Variants in SNRNP48 observed in about 807,000 individuals in gnomAD.
The protein encoded by SNRNP48 is U11/U12 small nuclear ribonucleoprotein 48 kDa protein.
A neutral mutation model predicts 47.0 loss-of-function variants in SNRNP48; 43 were observed. That is an observed-to-expected ratio of 0.92 (90% CI 0.72 to 1.18). SNRNP48 has a LOEUF of 1.18. Ranked by LOEUF, SNRNP48 falls within the 50% of genes most tolerant of loss-of-function variation. The pLI is 0.00. For missense variants in SNRNP48, 396 were observed against 422.2 expected, an observed-to-expected ratio of 0.94 and a Z score of 0.54; for synonymous variants, 138 against 144.0, an observed-to-expected ratio of 0.96 and a Z score of 0.30.
intron 7 of SNRNP48, 141 bp from the exon 8 acceptor site, chr6:7,605,889 TG>T: frequency 1.1e-6 from 1 of 922,802 alleles, no homozygotes. Flanking sequence ...TCCTTTTATA[TG>T]GGTTATAAGA....
chr6:7,598,004 A>G (rs1172451340), intron 4 of SNRNP48, among the ~76,000 whole-genome samples: 2 of 151,510 alleles, frequency 1.3e-5, no homozygotes, highest in Admixed American at 6.6e-5. Flanking sequence ...AGCTGGGACT[A>G]CAGGCACCTG....
At chr6:7,605,784 T>C (rs983148739) in intron 7 of SNRNP48, among the ~76,000 whole-genome samples, 1 of 152,198 alleles carries the variant, frequency 6.6e-6, no homozygotes, top group South Asian at 2.1e-4. Context: ...GAGTTATTTA[T>C]GTCCTACTGC....
At chr6:7,602,444 G>A (rs953798747) in intron 5 of SNRNP48, among the ~76,000 whole-genome samples, 179 bp from the exon 6 acceptor site, 13 of 152,104 alleles carry the variant, frequency 8.5e-5, no homozygotes, top group Admixed American at 8.5e-4. Flanking sequence ...ACTAATGGCT[G>A]GAGAGAAGAA....
In SNRNP48 at chr6:7,609,143, T is replaced by C. The variant is rs564355997; in HGVS notation, c.*270T>C. On this transcript the variant is annotated 3_prime_UTR_variant, in exon 9 of 9. Coordinates refer to ENST00000342415, the MANE Select transcript of SNRNP48 (RefSeq NM_152551.4). ...TGTTGTTTTGTTCGTTTTGCTAATATATGTATCTCAAAATTCTTTAAGTCA... is the reference window on the plus strand; with the variant it reads ...TGTTGTTTTGTTCGTTTTGCTAATACATGTATCTCAAAATTCTTTAAGTCA... 48 of 218,782 alleles carry C rather than the reference T, an allele frequency of 2.2e-4. 1 individual carries two copies. In the South Asian group the frequency reaches 8.6e-3, roughly 39 times the overall value. 13.6% of individuals were successfully genotyped at this position (218,782 alleles called of 1,614,324 possible).
At position 7,606,208 on chromosome 6, in the gene SNRNP48, C is replaced by T. The variant is rs770663663; in HGVS notation, c.971+13C>T. The T allele has an allele frequency of 6.9e-6, 11 of 1,590,784 alleles. No homozygotes were observed. Among genetic ancestry groups the T allele is most frequent in the African/African-American group, 2.7e-5 (2 of 73,036 alleles). ...GAAGGAAAGAGAGGTGGGTCTAACCCTGCATCATCCAACGTTGAATTCTGT... is the reference window on the plus strand; with the variant it reads ...GAAGGAAAGAGAGGTGGGTCTAACCTTGCATCATCCAACGTTGAATTCTGT... On this transcript the variant is annotated intron_variant, in intron 8 of 8. Coordinates refer to ENST00000342415, the MANE Select transcript of SNRNP48 (RefSeq NM_152551.4).
intron 6 of SNRNP48, 41 bp downstream of exon 6, chr6:7,602,785 G>C: frequency 6.7e-7 from 1 of 1,499,930 alleles, no homozygotes; most frequent in Non-Finnish European, 8.9e-7. Flanking sequence ...ATTTCCCTTA[G>C]GTAATTTTCT....
chr6:7,606,006 AT>A (rs1189375428), intron 7 of SNRNP48, 24 bp from the exon 8 acceptor site: 3 of 1,582,664 alleles, frequency 1.9e-6, no homozygotes, highest in Non-Finnish European at 2.6e-6. Context: ...ACACAAACTG[AT>A]TAACATTCTT....
intron 1 of SNRNP48, 85 bp from the exon 2 acceptor site, chr6:7,593,649 C>T (rs1210419421): frequency 2.4e-6 from 2 of 842,560 alleles, no homozygotes; most frequent in East Asian, 2.8e-5. Flanking sequence ...AGTACTGGTA[C>T]ATAATTAAAT....
At chr6:7,608,399 A>AG (rs1488050500) in intron 8 of SNRNP48, among the ~76,000 whole-genome samples, 3 of 152,138 alleles carry the variant, frequency 2.0e-5, no homozygotes, top group African/African-American at 7.2e-5. Context: ...TCTACTAAAA[A>AG]TACAAAAAAT....
At chr6:7,590,869 T>A (rs929227899) in intron 1 of SNRNP48, among the ~76,000 whole-genome samples, 1 of 152,068 alleles carries the variant, frequency 6.6e-6, no homozygotes, top group East Asian at 1.9e-4. Flanking sequence ...CCCCAGCTAT[T>A]TGGGAGGCTG....
chr6:7,608,160 A>G (rs1241248978), intron 8 of SNRNP48, among the ~76,000 whole-genome samples: 7 of 152,216 alleles, frequency 4.6e-5, no homozygotes, highest in South Asian at 2.1e-4. Flanking sequence ...GGACTGAATT[A>G]TAGGGACTTT....
intron 8 of SNRNP48, 23 bp from the exon 9 acceptor site, chr6:7,608,802 T>A (rs1287077375): frequency 6.9e-7 from 1 of 1,444,934 alleles, no homozygotes; most frequent in Admixed American, 2.3e-5. Context: ...TATAACCATT[T>A]TTTTATACCT....
intron 4 of SNRNP48, among the ~76,000 whole-genome samples, chr6:7,597,935 T>G (rs951193644): frequency 4.7e-5 from 7 of 150,088 alleles, no homozygotes; most frequent in Admixed American, 1.3e-4. Flanking sequence ...GCACAATCTC[T>G]ACTCACTGCA....
intron 4 of SNRNP48, among the ~76,000 whole-genome samples, chr6:7,597,814 A>T (rs1167889830): frequency 6.6e-6 from 1 of 151,630 alleles, no homozygotes; most frequent in East Asian, 1.9e-4. Context: ...AGGAACTTTA[A>T]TTTTGAATTC....
Position 7,601,916 on chromosome 6 carries a change from C to T in SNRNP48, c.595+392C>T, listed in dbSNP as rs184962352. ...TCACCCGGGCTGGAATGCAGTAGCGCGATCTCAGTTCGTTGCAATCTCTGC... is the reference window on the plus strand; with the variant it reads ...TCACCCGGGCTGGAATGCAGTAGCGTGATCTCAGTTCGTTGCAATCTCTGC... On this transcript the variant is annotated intron_variant, in intron 5 of 8. Transcript: ENST00000342415. Among the ~76,000 whole-genome samples the T allele has an allele frequency of 1.2e-3, 187 of 152,102 alleles. 1 individual carries two copies. The highest frequency in any genetic ancestry group is 4.4e-3 in the Admixed American group (67 of 15,266).
rs766064206 is a variant in SNRNP48 at position 7,608,881 on chromosome 6, AC to A, written c.*9del. On this transcript the variant is annotated 3_prime_UTR_variant, in exon 9 of 9. Transcript: ENST00000342415. ...AGAAAGCAAAAAATATAAATGAAGTACTTGTACCTATATTAATTATGCTTAC... is the reference window on the plus strand; with the variant it reads ...AGAAAGCAAAAAATATAAATGAAGTATTGTACCTATATTAATTATGCTTAC... 2.1e-6 allele frequency: 3 copies of A among 1,449,854 alleles called. No individual in the cohort carries two copies. Among genetic ancestry groups the A allele is most frequent in the Non-Finnish European group, 2.8e-6 (3 of 1,059,570 alleles). The allele number at this position is 1,449,854 out of a possible 1,614,324, so 89.8% of individuals were successfully genotyped here. A position where few individuals can be genotyped will look rare whatever the true frequency, so the allele number is the denominator to read the frequency against.
chr6:7,605,541 T>A (rs1760110610), intron 7 of SNRNP48, 55 bp downstream of exon 7: 1 of 1,479,190 alleles, frequency 6.8e-7, no homozygotes, highest in Non-Finnish European at 9.4e-7. Flanking sequence ...CAGATAACAA[T>A]TAACTTATAA....
In SNRNP48 at chr6:7,595,083, A is replaced by G. The variant is rs768209541; in HGVS notation, c.388A>G (p.Ser130Gly). The G allele has an allele frequency of 6.3e-7, 1 of 1,598,562 alleles. No homozygotes were observed. The highest frequency in any genetic ancestry group is 1.8e-5 in the Admixed American group (1 of 56,382). Residue 130 changes from serine to glycine, a missense_variant, in exon 4 of 9, where the codon AGT (serine) becomes GGT (glycine). Coordinates refer to ENST00000342415, the MANE Select transcript of SNRNP48 (RefSeq NM_152551.4). ...KQARTAVGKD[S>G]DCYNQRIYSS... ...AGCTAGAACTGCAGTTGGGAAAGAC[A>G]GTGATTGTTATAATCAAAGTAAGTG...
chr6:7,608,539 G>C (rs1423891662), intron 8 of SNRNP48, among the ~76,000 whole-genome samples: 1 of 152,066 alleles, frequency 6.6e-6, no homozygotes, highest in Non-Finnish European at 1.5e-5. Flanking sequence ...TGGGCAACAA[G>C]AGTGAAACTC....
Sources: allele counts gnomAD v4.1 joint callset (sites outside exome capture counted in the v4.1 genomes callset), GRCh38; gene constraint gnomAD v4.1.1; transcripts MANE v1.5; gene names NCBI Gene and HGNC (gene_info 2026-07-23, HGNC 2026-07-21).